AGBL3: variants seen among roughly 807,000 people sequenced by gnomAD.
AGBL3 encodes the protein AGBL carboxypeptidase 3, also known as cytosolic carboxypeptidase 3.
A neutral mutation model predicts 94.5 loss-of-function variants in AGBL3; 68 were observed. That is an observed-to-expected ratio of 0.72 (90% confidence interval 0.59 to 0.88). The LOEUF is 0.88. Ranked by LOEUF, AGBL3 falls within the 40% of genes least tolerant of loss-of-function variation. The pLI is 0.00. For synonymous variants in AGBL3, 354 were observed against 370.7 expected (o/e 0.95, Z 0.52); for missense variants, 934 against 1,103.8 (o/e 0.85, Z 2.18).
intron 15 of AGBL3, among the ~76,000 whole-genome samples, chr7:135,102,625 GT>G (rs57957640): frequency 2.4e-4 from 35 of 145,108 alleles, no homozygotes; most frequent in Non-Finnish European, 4.4e-4. Flanking sequence ...TTCTCTTGTG[GT>G]TTTTTTTTTT....
At chr7:135,006,833 G>C (rs1812451013) in intron 4 of AGBL3, among the ~76,000 whole-genome samples, 1 of 151,912 alleles carries the variant, frequency 6.6e-6, no homozygotes, top group East Asian at 1.9e-4. Context: ...GATGATGTAT[G>C]TAACTGTCCT....
chr7:135,043,836 T>C (rs1411598701), intron 8 of AGBL3, among the ~76,000 whole-genome samples, 189 bp from the exon 9 acceptor site: 2 of 152,134 alleles, frequency 1.3e-5, no homozygotes, highest in African/African-American at 4.8e-5. Context: ...GAATCTATAG[T>C]TCTCAGAAAT....
chr7:135,066,121 C>CT (rs1180252541), intron 12 of AGBL3, among the ~76,000 whole-genome samples: 3 of 152,080 alleles, frequency 2.0e-5, no homozygotes, highest in Non-Finnish European at 4.4e-5. Context: ...CAAACTTAAA[C>CT]AAGTGGGACT....
intron 16 of AGBL3, among the ~76,000 whole-genome samples, chr7:135,121,349 T>C (rs1279577815): frequency 1.3e-5 from 2 of 152,122 alleles, no homozygotes; most frequent in East Asian, 3.8e-4. Flanking sequence ...AGAATATAAA[T>C]ATCTAACTGA....
chr7:135,115,071 G>A (rs955564574), intron 15 of AGBL3, among the ~76,000 whole-genome samples: 7 of 152,072 alleles, frequency 4.6e-5, no homozygotes, highest in African/African-American at 1.4e-4. Flanking sequence ...AAACCTGCTC[G>A]ATTTACTTCC....
intron 14 of AGBL3, 114 bp from the exon 15 acceptor site, chr7:135,081,605 C>T: frequency 1.7e-6 from 1 of 589,450 alleles, no homozygotes; most frequent in Non-Finnish European, 2.8e-6. Flanking sequence ...TTGAACTAAA[C>T]TACTGTCTAC....
intron 12 of AGBL3, among the ~76,000 whole-genome samples, chr7:135,064,180 G>A (rs1819080639): frequency 6.6e-6 from 1 of 152,190 alleles, no homozygotes; most frequent in African/African-American, 2.4e-5. Flanking sequence ...CAATCCAGGG[G>A]TATCTTTTCC....
At chr7:135,018,381 C>T (rs1345371327) in intron 5 of AGBL3, among the ~76,000 whole-genome samples, 5 of 152,206 alleles carry the variant, frequency 3.3e-5, no homozygotes, top group Non-Finnish European at 5.9e-5. Context: ...CTCCCATTGT[C>T]CACAGCCAAA....
intron 16 of AGBL3, among the ~76,000 whole-genome samples, chr7:135,118,238 T>G (rs1826603474): frequency 6.6e-6 from 1 of 152,250 alleles, no homozygotes; most frequent in African/African-American, 2.4e-5. Flanking sequence ...CCTCACTATT[T>G]GTCTGTACCT....
At chr7:135,015,881 A>AAT (rs1813729982) in intron 4 of AGBL3, among the ~76,000 whole-genome samples, 2 of 145,856 alleles carry the variant, frequency 1.4e-5, no homozygotes, top group South Asian at 4.4e-4. Flanking sequence ...AAAAAAAAAA[A>AAT]TTAGCCGGGC....
chr7:135,131,536 T>C (rs1201591055), intron 16 of AGBL3, among the ~76,000 whole-genome samples: 1 of 151,808 alleles, frequency 6.6e-6, no homozygotes, highest in African/African-American at 2.4e-5. Flanking sequence ...TTAAAATAAG[T>C]GAGATATAGC....
chr7:135,092,666 G>C (rs1333045126), intron 15 of AGBL3: 1 of 152,076 alleles, frequency 6.6e-6, no homozygotes, highest in Non-Finnish European at 1.5e-5. Flanking sequence ...TTGTGGGTAG[G>C]AGCAAATCAG....
At position 135,034,147 on chromosome 7, in the gene AGBL3, A is replaced by C. The variant is rs756148484; in HGVS notation, c.558-2A>C. 59 of 1,517,728 alleles carry C rather than the reference A, an allele frequency of 3.9e-5. No individual in the cohort carries two copies. Among genetic ancestry groups the C allele is most frequent in the Non-Finnish European group, 5.2e-5 (59 of 1,128,710 alleles). The allele number at this position is 1,517,728 out of a possible 1,614,324, so 94.0% of individuals were successfully genotyped here. A position where few individuals can be genotyped will look rare whatever the true frequency, so the allele number is the denominator to read the frequency against. On this transcript the variant is annotated splice_acceptor_variant, in intron 6 of 16. Transcript: ENST00000436302. LOFTEE classifies it high-confidence loss of function. ...TTTTTCCCTTTCTTTCTTGTGTATT[A>C]GGGCAGAATACGAATACCAATTGAC...
chr7:135,076,339 A>C, intron 12 of AGBL3, 58 bp from the exon 13 acceptor site: 1 of 1,243,356 alleles, frequency 8.0e-7, no homozygotes. Flanking sequence ...TCATGTCTGC[A>C]TATGTACTCT....
At chr7:135,061,781 T>A (rs1303322434) in intron 12 of AGBL3, among the ~76,000 whole-genome samples, 1 of 152,078 alleles carries the variant, frequency 6.6e-6, no homozygotes, top group East Asian at 1.9e-4. Context: ...TTTTGATTTC[T>A]TAGTTTTATA....
At chr7:135,057,189 A>T (rs1436350946) in intron 11 of AGBL3, among the ~76,000 whole-genome samples, 1 of 152,142 alleles carries the variant, frequency 6.6e-6, no homozygotes, top group East Asian at 1.9e-4. Flanking sequence ...TACTGGAACA[A>T]TTGGACATCC....
intron 12 of AGBL3, among the ~76,000 whole-genome samples, chr7:135,059,453 G>A (rs555339322): frequency 6.6e-6 from 1 of 152,304 alleles, no homozygotes; most frequent in South Asian, 2.1e-4. Context: ...GATCCATAGA[G>A]ATGAAATTAT....
At chr7:135,057,512 C>G (rs1379857270) in intron 11 of AGBL3, among the ~76,000 whole-genome samples, 1 of 152,102 alleles carries the variant, frequency 6.6e-6, no homozygotes, top group Non-Finnish European at 1.5e-5. Context: ...ATTATAATAG[C>G]TAAAATCCAA....
intron 12 of AGBL3, 71 bp downstream of exon 12, chr7:135,059,306 A>G: frequency 9.7e-7 from 1 of 1,035,928 alleles, no homozygotes; most frequent in Non-Finnish European, 1.3e-6. Flanking sequence ...ACTAATAATC[A>G]GGCAAAAAAA....
Sources: allele counts gnomAD v4.1 joint callset (sites outside exome capture counted in the v4.1 genomes callset), GRCh38; gene constraint gnomAD v4.1.1; transcripts MANE v1.5; gene names NCBI Gene and HGNC (gene_info 2026-07-23, HGNC 2026-07-21).